Variants in RAD51B observed in about 807,000 individuals in gnomAD.
RAD51B encodes DNA repair protein RAD51 homolog 2.
Under a neutral mutation model 42.2 loss-of-function variants are expected in RAD51B, and 38 were observed. That is an observed-to-expected ratio of 0.90 (90% CI 0.70 to 1.18). The LOEUF (loss-of-function observed/expected upper bound fraction) is 1.18. Ranked by LOEUF, RAD51B falls within the 50% of genes most tolerant of loss-of-function variation. RAD51B has a pLI of 0.00. For missense variants in RAD51B, 373 were observed against 400.7 expected (o/e 0.93, Z 0.59); for synonymous variants, 154 against 145.2 (o/e 1.06, Z -0.43).
At chr14:68,381,351 T>G (rs999287495) in intron 8 of RAD51B, among the ~76,000 whole-genome samples, 2 of 152,174 alleles carry the variant, frequency 1.3e-5, no homozygotes, top group Non-Finnish European at 2.9e-5. Context: ...CTAGTTCCCT[T>G]AAACTGATCA....
At chr14:68,527,423 C>G (rs12889251) in intron 10 of RAD51B, among the ~76,000 whole-genome samples, 28,409 of 152,142 alleles carry the variant, frequency 0.19, 3,382 homozygotes, top group Non-Finnish European at 0.27. Flanking sequence ...CATTTGAGGC[C>G]CATGAACCAA....
At chr14:67,868,899 C>G (rs1473822360) in intron 5 of RAD51B, among the ~76,000 whole-genome samples, 1 of 152,294 alleles carries the variant, frequency 6.6e-6, no homozygotes, top group African/African-American at 2.4e-5. Context: ...GGAAAACTAA[C>G]AAACAGAAAG....
At chr14:68,105,909 G>T (rs2077370432) in intron 7 of RAD51B, among the ~76,000 whole-genome samples, 1 of 151,810 alleles carries the variant, frequency 6.6e-6, no homozygotes, top group African/African-American at 2.4e-5. Context: ...TTGCAACTAT[G>T]GGAATGAAAT....
At chr14:68,585,044 C>T (rs1219696224) in intron 10 of RAD51B, among the ~76,000 whole-genome samples, 1 of 152,172 alleles carries the variant, frequency 6.6e-6, no homozygotes, top group East Asian at 1.9e-4. Context: ...TCTGCTTCAC[C>T]CATAGGATGC....
intron 11 of RAD51B, among the ~76,000 whole-genome samples, chr14:68,663,302 C>CA (rs1892970057): frequency 9.3e-6 from 1 of 107,134 alleles, no homozygotes; most frequent in Non-Finnish European, 1.9e-5. Context: ...GACTCCATCT[C>CA]AAAAACAAAG....
chr14:67,989,880 C>T (rs2075264646), intron 7 of RAD51B, among the ~76,000 whole-genome samples: 1 of 152,018 alleles, frequency 6.6e-6, no homozygotes, highest in African/African-American at 2.4e-5. Context: ...AGTTTTATTC[C>T]CCAGCAATGA....
chr14:68,297,870 C>T (rs375179191), intron 8 of RAD51B, among the ~76,000 whole-genome samples: 17 of 152,148 alleles, frequency 1.1e-4, no homozygotes, highest in Non-Finnish European at 2.5e-4. Context: ...GAGCCCCTCC[C>T]GTGAAGTTTT....
intron 10 of RAD51B, among the ~76,000 whole-genome samples, chr14:68,604,252 G>A (rs951205944): frequency 3.3e-5 from 5 of 151,924 alleles, no homozygotes; most frequent in East Asian, 3.9e-4. Flanking sequence ...CTGAAACTCC[G>A]AGAAACTCCC....
intron 9 of RAD51B, among the ~76,000 whole-genome samples, chr14:68,424,531 A>T (rs540293055): frequency 2.0e-5 from 3 of 152,296 alleles, no homozygotes; most frequent in African/African-American, 7.2e-5. Context: ...CTCTCCAGAT[A>T]TACTGTTCCA....
In RAD51B at chr14:68,028,461, C is replaced by G. The variant is rs146081920; in HGVS notation, c.756+141257C>G. ...CAACCCAGAAACCCACACATCTCAC[C>G]CCCTCAGTGCTCTGTGAGTATGGGC... On this transcript the variant is annotated intron_variant, in intron 7 of 10. Transcript: ENST00000471583. Among the ~76,000 whole-genome samples, 11 of 152,290 alleles carry G rather than the reference C, an allele frequency of 7.2e-5. No individual in the cohort carries two copies. In the East Asian group the frequency reaches 2.1e-3, roughly 29 times the overall value.
intron 10 of RAD51B, among the ~76,000 whole-genome samples, chr14:68,545,176 A>G (rs546991670): frequency 2.0e-4 from 31 of 152,234 alleles, no homozygotes; most frequent in Non-Finnish European, 2.9e-4. Context: ...CCATGGGCAC[A>G]TATCTGGTTC....
At position 68,160,956 on chromosome 14, in the gene RAD51B, A is replaced by G. The variant is rs538575001; in HGVS notation, c.757-130928A>G. ...ACTCTCTTGGAATGTCTAGCAGTTT[A>G]TTGAAAAGAGCTCAAAGCCAAGACG... On this transcript the variant is annotated intron_variant, in intron 7 of 10. Coordinates refer to ENST00000471583, the MANE Select transcript of RAD51B (RefSeq NM_133510.4). Among the ~76,000 whole-genome samples, 13 of 152,352 alleles carry G rather than the reference A, an allele frequency of 8.5e-5. No homozygotes were observed. In the East Asian group the frequency reaches 2.5e-3, roughly 29 times the overall value.
intron 9 of RAD51B, among the ~76,000 whole-genome samples, chr14:68,455,977 A>G (rs1444805305): frequency 6.6e-6 from 1 of 152,190 alleles, no homozygotes; most frequent in African/African-American, 2.4e-5. Context: ...TTTGCAAACA[A>G]TTGAAATTAA....
At chr14:68,598,984 A>C (rs965158003), downstream of RAD51B, among the ~76,000 whole-genome samples, 1 of 152,212 alleles carries the variant, frequency 6.6e-6, no homozygotes, top group East Asian at 1.9e-4. Context: ...AATCCCCAGC[A>C]GGGCAGAGGA....
At chr14:68,088,308 G>C (rs1184297000) in intron 7 of RAD51B, among the ~76,000 whole-genome samples, 1 of 151,662 alleles carries the variant, frequency 6.6e-6, no homozygotes, top group African/African-American at 2.4e-5. Flanking sequence ...ACTTTTTAAG[G>C]TATATGGAAA....
intron 10 of RAD51B, among the ~76,000 whole-genome samples, chr14:68,555,398 C>T (rs551533458): frequency 1.3e-5 from 2 of 152,190 alleles, no homozygotes; most frequent in African/African-American, 4.8e-5. Context: ...ACATGAAACG[C>T]GCCAGAGTGT....
At chr14:67,948,804 C>T (rs550704992) in intron 7 of RAD51B, among the ~76,000 whole-genome samples, 46 of 151,430 alleles carry the variant, frequency 3.0e-4, no homozygotes, top group Admixed American at 9.2e-4. Flanking sequence ...TGGTTGTGGG[C>T]GCCTGTAGTC....
At chr14:68,621,859 CAAT>C (rs536021859) in intron 10 of RAD51B, among the ~76,000 whole-genome samples, 15 of 152,212 alleles carry the variant, frequency 9.9e-5, no homozygotes, top group Admixed American at 4.6e-4. Context: ...TGCACAGTGA[CAAT>C]GAGTGTAATT....
At chr14:67,884,569 C>T (rs571030030) in intron 5 of RAD51B, among the ~76,000 whole-genome samples, 1 of 152,280 alleles carries the variant, frequency 6.6e-6, no homozygotes, top group African/African-American at 2.4e-5. Context: ...CCCAAACCCT[C>T]AGGATTTGGC....
Sources: gnomAD v4.1 joint callset for allele counts (sites outside exome capture counted in the v4.1 genomes callset) on GRCh38, gnomAD v4.1.1 for gene constraint, MANE v1.5 for transcripts, NCBI Gene and HGNC (gene_info 2026-07-23, HGNC 2026-07-21) for gene names.